The following RBM20 variants were observed in gnomAD, a reference collection of about 807,000 sequenced individuals.
The protein encoded by RBM20 is RNA binding motif protein 20.
A neutral mutation model predicts 110.1 loss-of-function variants in RBM20; 51 were observed. The ratio of observed to expected loss-of-function variants is 0.46; its 90% CI spans 0.37 to 0.59. The LOEUF is 0.59. Among genes scored for constraint, RBM20 ranks in the 20% least tolerant of loss-of-function variants. RBM20 has a pLI of 0.00. For synonymous variants in RBM20, 589 were observed against 618.2 expected (o/e 0.95, Z 0.70); for missense variants, 1,512 against 1,574.9 (o/e 0.96, Z 0.68).
chr10:110,704,870 T>C (rs2134900800), intron 1 of RBM20, among the ~76,000 whole-genome samples: 1 of 152,352 alleles, frequency 6.6e-6, no homozygotes, highest in East Asian at 1.9e-4. Flanking sequence ...TTTGGAAATT[T>C]TATGGTCTTT....
At chr10:110,669,272 A>T (rs1301987460) in intron 1 of RBM20, among the ~76,000 whole-genome samples, 1 of 151,208 alleles carries the variant, frequency 6.6e-6, no homozygotes, top group Non-Finnish European at 1.5e-5. Context: ...ACTGGGAAGG[A>T]GTGTGGCAAG....
intron 1 of RBM20, among the ~76,000 whole-genome samples, chr10:110,693,257 A>G (rs998485287): frequency 1.3e-5 from 2 of 152,204 alleles, no homozygotes; most frequent in East Asian, 3.9e-4. Context: ...CTTTGGTATC[A>G]GGATTATATT....
chr10:110,677,202 C>A (rs1463427739), intron 1 of RBM20, among the ~76,000 whole-genome samples: 6 of 152,300 alleles, frequency 3.9e-5, no homozygotes, highest in Non-Finnish European at 7.3e-5. Flanking sequence ...ATAAAGCCAC[C>A]AGTCCCACTC....
intron 1 of RBM20, among the ~76,000 whole-genome samples, chr10:110,770,924 T>G (rs1027258337): frequency 2.6e-5 from 4 of 152,246 alleles, no homozygotes; most frequent in African/African-American, 9.6e-5. Flanking sequence ...AGAAGTCTGT[T>G]TGTTGAATAC....
chr10:110,743,450 A>C (rs1333307808), intron 1 of RBM20, among the ~76,000 whole-genome samples: 1 of 152,088 alleles, frequency 6.6e-6, no homozygotes. Context: ...TACACTTTTT[A>C]TTTGTTAATT....
chr10:110,682,056 AT>A (rs1293582848), intron 1 of RBM20, among the ~76,000 whole-genome samples: 2 of 151,868 alleles, frequency 1.3e-5, no homozygotes, highest in African/African-American at 4.8e-5. Flanking sequence ...TGCCCGGCTA[AT>A]TTTTTTGTAT....
At chr10:110,783,451 G>T in intron 3 of RBM20, 24 bp downstream of exon 3, 1 of 1,530,164 alleles carries the variant, frequency 6.5e-7, no homozygotes, top group Non-Finnish European at 8.9e-7. Context: ...AGGAGGACAG[G>T]CTCATGCGTA....
At chr10:110,732,793 A>T (rs1333474497) in intron 1 of RBM20, among the ~76,000 whole-genome samples, 1 of 152,090 alleles carries the variant, frequency 6.6e-6, no homozygotes, top group African/African-American at 2.4e-5. Flanking sequence ...AGTTTTGAAG[A>T]CCTCACTGGA....
intron 1 of RBM20, among the ~76,000 whole-genome samples, chr10:110,687,998 TGTG>T (rs1862530719): frequency 1.7e-4 from 1 of 6,012 alleles, no homozygotes; most frequent in Non-Finnish European, 9.9e-4. Context: ...AATGGTTTTG[TGTG>T]TGTGTGTGTG....
At chr10:110,829,390 G>A (rs756007616) in intron 12 of RBM20, among the ~76,000 whole-genome samples, 4 of 152,144 alleles carry the variant, frequency 2.6e-5, no homozygotes, top group Admixed American at 1.3e-4. Flanking sequence ...ACCTCCCTCC[G>A]GGCACCTGGG....
intron 1 of RBM20, among the ~76,000 whole-genome samples, chr10:110,779,331 C>A (rs764029403): frequency 6.6e-6 from 1 of 152,168 alleles, no homozygotes; most frequent in South Asian, 2.1e-4. Flanking sequence ...TCCGTAAAAA[C>A]CCAGAAAGGA....
chr10:110,694,496 C>T (rs1407283551), intron 1 of RBM20, among the ~76,000 whole-genome samples: 1 of 152,156 alleles, frequency 6.6e-6, no homozygotes, highest in South Asian at 2.1e-4. Context: ...GGAAACCTTC[C>T]AGAATTGTAA....
At chr10:110,765,532 A>G (rs908472916) in intron 1 of RBM20, among the ~76,000 whole-genome samples, 1 of 152,180 alleles carries the variant, frequency 6.6e-6, no homozygotes, top group African/African-American at 2.4e-5. Context: ...CAAGCAAGCA[A>G]GCAAGTGCAT....
intron 1 of RBM20, among the ~76,000 whole-genome samples, chr10:110,733,329 C>G (rs1049382756): frequency 6.6e-6 from 1 of 152,216 alleles, no homozygotes; most frequent in Non-Finnish European, 1.5e-5. Flanking sequence ...GCCCTCACCC[C>G]TGGCGGGGGA....
At chr10:110,792,320 T>A (rs890340620) in intron 5 of RBM20, among the ~76,000 whole-genome samples, 1 of 152,170 alleles carries the variant, frequency 6.6e-6, no homozygotes, top group Admixed American at 6.5e-5. Context: ...TCTTACATAA[T>A]CACAACAATA....
At chr10:110,829,230 G>A (rs767545861) in intron 12 of RBM20, among the ~76,000 whole-genome samples, 3 of 152,202 alleles carry the variant, frequency 2.0e-5, no homozygotes, top group Non-Finnish European at 2.9e-5. Context: ...AACAACGCAG[G>A]AAGGAGGCAG....
intron 1 of RBM20, among the ~76,000 whole-genome samples, chr10:110,676,327 C>T (rs1159303252): frequency 2.0e-5 from 3 of 152,128 alleles, no homozygotes; most frequent in African/African-American, 7.2e-5. Flanking sequence ...CTGCATCTCA[C>T]AGAGAGAGAA....
chr10:110,697,922 T>G (rs1862690938), intron 1 of RBM20, among the ~76,000 whole-genome samples: 1 of 149,902 alleles, frequency 6.7e-6, no homozygotes, highest in Non-Finnish European at 1.5e-5. Flanking sequence ...TCTTTTTTTT[T>G]TTTGAGACTG....
intron 1 of RBM20, among the ~76,000 whole-genome samples, chr10:110,665,995 A>AGAGAGAGAG (rs1862169872): frequency 1.2e-4 from 17 of 145,490 alleles, no homozygotes; most frequent in Non-Finnish European, 2.1e-4. Context: ...CAAAGAAAGA[A>AGAGAGAGAG]AGAGAGAGAG....
Sources: allele counts gnomAD v4.1 joint callset (sites outside exome capture counted in the v4.1 genomes callset), GRCh38; gene constraint gnomAD v4.1.1; transcripts MANE v1.5; gene names NCBI Gene and HGNC (gene_info 2026-07-23, HGNC 2026-07-21).